Variants in PKIB observed in about 807,000 individuals in gnomAD.
PKIB encodes cAMP-dependent protein kinase inhibitor beta.
PKIB carries 2 observed loss-of-function variants against 4.5 expected under a neutral mutation model. That is an observed-to-expected ratio of 0.44 (90% CI 0.18 to 1.39). The LOEUF is 1.39. Among genes scored for constraint, PKIB ranks in the 40% most tolerant of loss-of-function variants. PKIB has a pLI of 0.27. For synonymous variants in PKIB, 38 were observed against 36.0 expected, an observed-to-expected ratio of 1.06 and a Z score of -0.20; for missense variants, 94 against 92.6, an observed-to-expected ratio of 1.02 and a Z score of -0.06.
chr6:122,602,806 A>G (rs1283398749), intron 3 of PKIB, among the ~76,000 whole-genome samples: 1 of 151,926 alleles, frequency 6.6e-6, no homozygotes, highest in Non-Finnish European at 1.5e-5. Flanking sequence ...AAACAAAAAA[A>G]TTAGCCGGGT....
chr6:122,542,118 A>G (rs1470017812), intron 2 of PKIB, among the ~76,000 whole-genome samples: 2 of 151,504 alleles, frequency 1.3e-5, no homozygotes, highest in African/African-American at 4.9e-5. Flanking sequence ...CTTCTTTGCC[A>G]TTGGTTTGAA....
At chr6:122,688,786 T>C (rs928050863) in intron 3 of PKIB, among the ~76,000 whole-genome samples, 4 of 87,712 alleles carry the variant, frequency 4.6e-5, no homozygotes, top group Non-Finnish European at 1.1e-4. Flanking sequence ...GCCTTTCTTT[T>C]TTTTTTTTTT....
chr6:122,492,069 A>G (rs1240979806), intron 2 of PKIB, among the ~76,000 whole-genome samples: 1 of 152,202 alleles, frequency 6.6e-6, no homozygotes, highest in Non-Finnish European at 1.5e-5. Flanking sequence ...CTTAAGCCAC[A>G]CATCTCAGCG....
intron 4 of PKIB, among the ~76,000 whole-genome samples, chr6:122,720,657 A>G (rs1779702366): frequency 1.3e-5 from 2 of 152,110 alleles, no homozygotes; most frequent in Admixed American, 6.6e-5. Flanking sequence ...GGTCTGGTGG[A>G]TCAGACGGAA....
rs201854073 is a variant in PKIB at position 122,694,472 on chromosome 6, AT to A, written c.-9+19329del. On this transcript the variant is annotated intron_variant, in intron 3 of 4. Coordinates refer to ENST00000368452, the MANE Select transcript of PKIB (RefSeq NM_181795.3). ...CTCCCACGTTAAGATTTGTAAAAAA[AT>A]CTTAGGAAGAGCTAATTTGCTTTAA... Among the ~76,000 whole-genome samples, 1,044 of 152,306 alleles carry A rather than the reference AT, an allele frequency of 6.9e-3. 20 individuals are homozygous for A. The highest frequency in any genetic ancestry group is 0.024 in the African/African-American group (981 of 41,566).
At chr6:122,551,050 A>G (rs1052669696) in intron 2 of PKIB, among the ~76,000 whole-genome samples, 2 of 152,028 alleles carry the variant, frequency 1.3e-5, no homozygotes, top group Non-Finnish European at 2.9e-5. Flanking sequence ...TCTATCTTTT[A>G]TCTCTTTTTG....
upstream of PKIB, chr6:122,610,334 G>C (rs987911393): frequency 6.6e-6 from 1 of 152,334 alleles, no homozygotes; most frequent in Non-Finnish European, 1.5e-5. Flanking sequence ...GCCTGGGGGC[G>C]GGACGCGGCG....
chr6:122,529,577 G>A (rs1777192837), intron 2 of PKIB, among the ~76,000 whole-genome samples: 2 of 152,176 alleles, frequency 1.3e-5, no homozygotes, highest in South Asian at 4.1e-4. Context: ...AACTTGAAGG[G>A]CACCTGTTAG....
At chr6:122,574,263 T>A (rs1773464550) in intron 2 of PKIB, among the ~76,000 whole-genome samples, 1 of 152,148 alleles carries the variant, frequency 6.6e-6, no homozygotes, top group Non-Finnish European at 1.5e-5. Context: ...AAATCATAGA[T>A]GACACAAACA....
chr6:122,564,022 C>G (rs1427876128), intron 2 of PKIB, among the ~76,000 whole-genome samples: 1 of 152,182 alleles, frequency 6.6e-6, no homozygotes, highest in African/African-American at 2.4e-5. Context: ...ATTTCTTTCT[C>G]CCTATGTAGT....
At chr6:122,723,041 C>T (rs555362643) in intron 4 of PKIB, among the ~76,000 whole-genome samples, 1 of 152,136 alleles carries the variant, frequency 6.6e-6, no homozygotes, top group Non-Finnish European at 1.5e-5. Context: ...GCTTTCCGGA[C>T]ACTCCACTCA....
chr6:122,502,917 T>G (rs1461290370), intron 2 of PKIB, among the ~76,000 whole-genome samples: 1 of 152,198 alleles, frequency 6.6e-6, no homozygotes, highest in South Asian at 2.1e-4. Flanking sequence ...AACTATACAC[T>G]GCAAACTGGG....
chr6:122,497,954 C>A (rs916190106), intron 2 of PKIB, among the ~76,000 whole-genome samples: 3 of 152,124 alleles, frequency 2.0e-5, no homozygotes, highest in Admixed American at 2.0e-4. Context: ...CAGATCGACC[C>A]CATGCTCAGC....
chr6:122,493,476 GT>G (rs1317097908), intron 2 of PKIB: 4 of 152,170 alleles, frequency 2.6e-5, no homozygotes, highest in Admixed American at 2.6e-4. Flanking sequence ...CATATATGAT[GT>G]ATTGAAATCT....
Position 122,675,019 on chromosome 6 carries a change from T to G in PKIB, c.-75-59T>G, listed in dbSNP as rs1485138173. 3 of 152,428 alleles carry G rather than the reference T, an allele frequency of 2.0e-5. No individual in the cohort carries two copies. In the East Asian group the frequency reaches 5.8e-4, roughly 29 times the overall value. The allele number at this position is 152,428 out of a possible 1,614,324, so 9.4% of individuals were successfully genotyped here. Reference sequence around the variant, plus strand: ...TTAAAAAGCCAAAAGTAATTAAAATTTGATTAACTGGATTGCCACCTTTTC... The same window carrying G: ...TTAAAAAGCCAAAAGTAATTAAAATGTGATTAACTGGATTGCCACCTTTTC... On this transcript the variant is annotated intron_variant, in intron 2 of 4. Transcript: ENST00000368452.
chr6:122,545,391 G>A (rs1400445290), intron 2 of PKIB, among the ~76,000 whole-genome samples: 1 of 151,912 alleles, frequency 6.6e-6, no homozygotes, highest in Non-Finnish European at 1.5e-5. Context: ...TGCAGCAACA[G>A]ACAACCAAAT....
chr6:122,593,674 C>A (rs1266566642), intron 3 of PKIB, among the ~76,000 whole-genome samples: 1 of 152,106 alleles, frequency 6.6e-6, no homozygotes, highest in South Asian at 2.1e-4. Context: ...AGACTGATTT[C>A]ATTCAAATCT....
chr6:122,569,175 C>A (rs934601096), intron 2 of PKIB, among the ~76,000 whole-genome samples: 3 of 152,174 alleles, frequency 2.0e-5, no homozygotes, highest in African/African-American at 4.8e-5. Flanking sequence ...ACTGGCTGTG[C>A]CCCTCCACCC....
At chr6:122,615,196 G>GGA (rs1554224760) in intron 1 of PKIB, among the ~76,000 whole-genome samples, 1 of 115,716 alleles carries the variant, frequency 8.6e-6, no homozygotes, top group Non-Finnish European at 2.0e-5. Context: ...GTAGTGAAAA[G>GGA]AAAAAAAAAA....
Sources: gnomAD v4.1 joint callset for allele counts (sites outside exome capture counted in the v4.1 genomes callset) on GRCh38, gnomAD v4.1.1 for gene constraint, MANE v1.5 for transcripts, NCBI Gene and HGNC (gene_info 2026-07-23, HGNC 2026-07-21) for gene names.